The following PAX5 variants were observed in gnomAD, a reference collection of about 807,000 sequenced individuals.
PAX5 encodes paired box protein Pax-5.
In PAX5, 9 loss-of-function variants were observed where a neutral mutation model predicts 43.7. That is an observed-to-expected ratio of 0.21 (90% CI 0.12 to 0.36). The LOEUF is 0.36. Ranked by LOEUF, PAX5 falls within the 10% of genes least tolerant of loss-of-function variation. The pLI is 1.00. For missense variants in PAX5, 383 were observed against 532.7 expected, an observed-to-expected ratio of 0.72 and a Z score of 2.77; for synonymous variants, 228 against 214.3, an observed-to-expected ratio of 1.06 and a Z score of -0.56.
chr9:36,998,953 T>G (rs1837620840), intron 5 of PAX5, among the ~76,000 whole-genome samples: 1 of 152,238 alleles, frequency 6.6e-6, no homozygotes, highest in African/African-American at 2.4e-5. Context: ...CTCTTTTTAA[T>G]GTAGTTACTA....
In PAX5 at chr9:36,912,082, G is replaced by C. The variant is rs74989088; in HGVS notation, c.910+11273C>G. Among the ~76,000 whole-genome samples, 3 of 152,296 alleles carry C rather than the reference G, an allele frequency of 2.0e-5. No homozygotes were observed. The South Asian group carries it at 6.2e-4, about 32-fold the overall frequency. On this transcript the variant is annotated intron_variant, in intron 7 of 9. Coordinates refer to ENST00000358127, the MANE Select transcript of PAX5 (RefSeq NM_016734.3). ...CTGCCCTTCAGCCAGACATCCTGAC[G>C]GGGTCTCCAAGACTCCACCACCTTC...
In PAX5 at chr9:36,912,346, T is replaced by C. The variant is rs926711868; in HGVS notation, c.910+11009A>G. ...GCCAGAAGCTGTGAGAAAACTCTAG[T>C]GCTGGCCCATTTTACAGATGGGAAA... On this transcript the variant is annotated intron_variant, in intron 7 of 9. Transcript: ENST00000358127. Among the ~76,000 whole-genome samples, 30 of 152,216 alleles carry C rather than the reference T, an allele frequency of 2.0e-4. 1 individual carries two copies. Among genetic ancestry groups the C allele is most frequent in the African/African-American group, 7.2e-4 (30 of 41,458 alleles).
chr9:37,008,801 G>A (rs780730546), intron 3 of PAX5, among the ~76,000 whole-genome samples: 3 of 152,126 alleles, frequency 2.0e-5, no homozygotes, highest in African/African-American at 4.8e-5. Context: ...AAGCAAACTC[G>A]AAGCATATTG....
At chr9:37,005,030 T>A (rs189306477) in intron 4 of PAX5, among the ~76,000 whole-genome samples, 1 of 152,382 alleles carries the variant, frequency 6.6e-6, no homozygotes, top group Non-Finnish European at 1.5e-5. Context: ...AGTAGAATTA[T>A]TCTTCTAAAC....
intron 1 of PAX5, among the ~76,000 whole-genome samples, chr9:37,033,267 A>G (rs1238938994): frequency 6.6e-6 from 1 of 152,210 alleles, no homozygotes; most frequent in Non-Finnish European, 1.5e-5. Context: ...ACTGGGCCTT[A>G]CAATGCACAT....
intron 7 of PAX5, among the ~76,000 whole-genome samples, chr9:36,894,073 G>A (rs1339471594): frequency 2.0e-5 from 3 of 152,272 alleles, no homozygotes; most frequent in South Asian, 2.1e-4. Context: ...GACCCGCCAC[G>A]CCCCCACTCC....
intron 5 of PAX5, among the ~76,000 whole-genome samples, chr9:36,988,026 TGAA>T (rs1389414728): frequency 1.3e-5 from 2 of 151,070 alleles, no homozygotes; most frequent in Non-Finnish European, 2.9e-5. Flanking sequence ...AGCGAGAAGA[TGAA>T]GAAGGAGGGA....
chr9:36,969,870 T>C (rs2132215682), intron 5 of PAX5, among the ~76,000 whole-genome samples: 1 of 152,342 alleles, frequency 6.6e-6, no homozygotes, highest in South Asian at 2.1e-4. Context: ...TTGCTTTCTT[T>C]ACTAGGGAAA....
intron 7 of PAX5, among the ~76,000 whole-genome samples, chr9:36,911,506 G>A (rs189277806): frequency 3.3e-4 from 50 of 152,316 alleles, no homozygotes; most frequent in African/African-American, 1.2e-3. Context: ...ATGGAATTCC[G>A]AGGACGGCCC....
At chr9:36,966,394 G>C (rs992755146) in intron 6 of PAX5, among the ~76,000 whole-genome samples, 155 bp downstream of exon 6, 1 of 152,232 alleles carries the variant, frequency 6.6e-6, no homozygotes, top group Non-Finnish European at 1.5e-5. Context: ...AGGATGTAGC[G>C]ACTGCCCAAG....
At chr9:36,963,084 T>G (rs987009945) in intron 6 of PAX5, among the ~76,000 whole-genome samples, 2 of 152,232 alleles carry the variant, frequency 1.3e-5, no homozygotes, top group Admixed American at 6.5e-5. Flanking sequence ...CATAGTCCAG[T>G]GCCTGTGTGT....
intron 3 of PAX5, among the ~76,000 whole-genome samples, chr9:37,009,840 T>A (rs1361350815): frequency 4.0e-5 from 6 of 151,762 alleles, no homozygotes; most frequent in Admixed American, 2.6e-4. Flanking sequence ...AAATTAAAAA[T>A]AATAATAATA....
chr9:36,966,732 G>A lies in PAX5; in HGVS notation c.605-8C>T, dbSNP rs1588104921. The A allele has an allele frequency of 6.2e-7, 1 of 1,612,732 alleles. No individual in the cohort carries two copies. On this transcript the variant is annotated splice_region_variant and splice_polypyrimidine_tract_variant and intron_variant, in intron 5 of 9. Transcript: ENST00000358127. ...CCGGAGACTCCTGAATACCTTTGAT[G>A]AGCAGGAGAGAGGAAGGGTGAGTGG...
intron 2 of PAX5, among the ~76,000 whole-genome samples, chr9:37,017,698 A>T (rs774828452): frequency 3.0e-4 from 45 of 152,236 alleles, no homozygotes; most frequent in Non-Finnish European, 5.0e-4. Flanking sequence ...CCTGGCCCCC[A>T]CTTACATAGC....
chr9:36,933,404 G>T (rs985268388), intron 6 of PAX5, among the ~76,000 whole-genome samples: 6 of 152,144 alleles, frequency 3.9e-5, no homozygotes, highest in Non-Finnish European at 5.9e-5. Flanking sequence ...CCAAACACAA[G>T]AAGTCTAAGT....
At chr9:36,909,814 A>ATTTTTTTTTTT (rs752114508) in intron 7 of PAX5, among the ~76,000 whole-genome samples, 19 of 91,878 alleles carry the variant, frequency 2.1e-4, no homozygotes, top group East Asian at 7.5e-4. Context: ...AGACATTTTA[A>ATTTTTTTTTTT]TTTTTTTTTT....
intron 6 of PAX5, among the ~76,000 whole-genome samples, chr9:36,940,626 A>C (rs1831971755): frequency 6.6e-6 from 1 of 151,994 alleles, no homozygotes; most frequent in Admixed American, 6.5e-5. Flanking sequence ...GGCCCTCTAG[A>C]AGTGGACACC....
intron 7 of PAX5, among the ~76,000 whole-genome samples, chr9:36,902,793 A>G (rs758297524): frequency 2.6e-5 from 4 of 152,228 alleles, no homozygotes; most frequent in Non-Finnish European, 5.9e-5. Flanking sequence ...ACAGACGGCT[A>G]TTTGTGCCAA....
chr9:36,960,084 C>G (rs1833826298), intron 6 of PAX5, among the ~76,000 whole-genome samples: 1 of 152,188 alleles, frequency 6.6e-6, no homozygotes, highest in Non-Finnish European at 1.5e-5. Flanking sequence ...AGATAAGAGA[C>G]AAGTTGGTGC....
Sources: allele counts gnomAD v4.1 joint callset (sites outside exome capture counted in the v4.1 genomes callset), GRCh38; gene constraint gnomAD v4.1.1; transcripts MANE v1.5; gene names NCBI Gene and HGNC (gene_info 2026-07-23, HGNC 2026-07-21).